The following PRTFDC1 variants were observed in gnomAD, a reference collection of about 807,000 sequenced individuals.
PRTFDC1 encodes the protein phosphoribosyltransferase domain-containing protein 1.
In PRTFDC1, 38 loss-of-function variants were observed where a neutral mutation model predicts 34.6. The observed-to-expected ratio is 1.10, with a 90% CI of 0.85 to 1.44. The LOEUF is 1.44. PRTFDC1 is among the 40% of genes most tolerant of loss of function. PRTFDC1 has a pLI of 0.00. For missense variants in PRTFDC1, 270 were observed against 283.0 expected, an observed-to-expected ratio of 0.95 and a Z score of 0.33; for synonymous variants, 93 against 98.1, an observed-to-expected ratio of 0.95 and a Z score of 0.31.
intron 3 of PRTFDC1, among the ~76,000 whole-genome samples, chr10:24,893,130 C>T (rs1420777619): frequency 1.3e-5 from 2 of 152,192 alleles, no homozygotes; most frequent in South Asian, 2.1e-4. Context: ...AATGAAAACT[C>T]ACTTGAAATT....
chr10:24,894,103 TG>T, intron 3 of PRTFDC1, among the ~76,000 whole-genome samples: 1 of 151,882 alleles, frequency 6.6e-6, no homozygotes, highest in East Asian at 1.9e-4. Context: ...GAGGCCGAGG[TG>T]GGGGACCACG....
intron 3 of PRTFDC1, chr10:24,908,903 G>T (rs1460328981): frequency 1.6e-6 from 1 of 622,210 alleles, no homozygotes. Context: ...GAGGTCAGTT[G>T]TTCTAAATGT....
At chr10:24,874,166 C>T (rs1588583421) in intron 3 of PRTFDC1, among the ~76,000 whole-genome samples, 1 of 152,042 alleles carries the variant, frequency 6.6e-6, no homozygotes, top group African/African-American at 2.4e-5. Context: ...GCTTCACACA[C>T]TAGCTCATCC....
At chr10:24,863,613 G>T (rs1588576423) in intron 4 of PRTFDC1, among the ~76,000 whole-genome samples, 1 of 152,154 alleles carries the variant, frequency 6.6e-6, no homozygotes, top group East Asian at 1.9e-4. Flanking sequence ...CATAGATAGT[G>T]ATTCCTCTGA....
intron 3 of PRTFDC1, among the ~76,000 whole-genome samples, chr10:24,901,852 G>A (rs1160122665): frequency 6.6e-6 from 1 of 152,224 alleles, no homozygotes; most frequent in East Asian, 1.9e-4. Context: ...CTCTGCATTT[G>A]CAGTGAATTT....
intron 4 of PRTFDC1, among the ~76,000 whole-genome samples, chr10:24,871,233 TTTAAC>T (rs775481805): frequency 6.6e-5 from 10 of 152,150 alleles, no homozygotes; most frequent in Non-Finnish European, 1.5e-4. Context: ...GACTAATCCA[TTTAAC>T]TTAGAAAGCC....
chr10:24,851,818 G>A (rs915935097), intron 7 of PRTFDC1, among the ~76,000 whole-genome samples: 1 of 151,674 alleles, frequency 6.6e-6, no homozygotes, highest in Non-Finnish European at 1.5e-5. Flanking sequence ...CGATGCCAAA[G>A]GAAACACTCT....
Position 24,952,392 on chromosome 10 carries a change from G to T in PRTFDC1, c.48+136C>A. On this transcript the variant is annotated intron_variant, in intron 1 of 8. Coordinates refer to ENST00000320152, the MANE Select transcript of PRTFDC1 (RefSeq NM_020200.7). The surrounding 1 kb of genome is among the most constrained non-coding windows in gnomAD (Gnocchi z 5.1). ...AGGAGGCCCGGGTCCGAGGATGGAA[G>T]CGATCCCCGCCGGGAGGGAGAACAA... 9.6e-7 allele frequency: 1 copy of T among 1,039,936 alleles called. No homozygotes were observed. The highest frequency in any genetic ancestry group is 1.4e-6 in the Non-Finnish European group (1 of 695,906). 64.4% of individuals were successfully genotyped at this position (1,039,936 alleles called of 1,614,324 possible).
chr10:24,952,462 C>T lies in PRTFDC1; in HGVS notation c.48+66G>A. 1.3e-6 allele frequency: 2 copies of T among 1,506,466 alleles called. No homozygotes were observed. 93.3% of individuals were successfully genotyped at this position (1,506,466 alleles called of 1,614,324 possible). ...CCCCGACGCACGGCAAGCATTTAAT[C>T]TACAAGCAGGGTGCCAGGGAGGGAG... is the stretch of plus-strand genomic sequence containing the variant. On this transcript the variant is annotated intron_variant, in intron 1 of 8. Transcript: ENST00000320152. This position sits in a 1 kb window ranked among gnomAD's most constrained non-coding sequence, Gnocchi z 5.1.
chr10:24,928,203 C>T (rs1848910871), intron 3 of PRTFDC1, among the ~76,000 whole-genome samples: 2 of 151,884 alleles, frequency 1.3e-5, no homozygotes, highest in Admixed American at 1.3e-4. Context: ...CTCTTCTAGT[C>T]CTTTATTTTC....
At chr10:24,903,995 C>T (rs1479725200) in intron 3 of PRTFDC1, among the ~76,000 whole-genome samples, 1 of 151,926 alleles carries the variant, frequency 6.6e-6, no homozygotes, top group African/African-American at 2.4e-5. Flanking sequence ...AGCTGGAGTT[C>T]TATTCTAAGA....
chr10:24,855,233 G>T, intron 7 of PRTFDC1, 85 bp downstream of exon 7: 1 of 1,386,548 alleles, frequency 7.2e-7, no homozygotes, highest in South Asian at 1.2e-5. Flanking sequence ...TGTCAAATAG[G>T]AAACCAAAGA....
At chr10:24,935,233 T>A (rs187088350) in intron 3 of PRTFDC1, among the ~76,000 whole-genome samples, 14 of 152,246 alleles carry the variant, frequency 9.2e-5, no homozygotes, top group African/African-American at 3.1e-4. Flanking sequence ...TTAAAAAAAA[T>A]GTTAACAGGT....
At chr10:24,849,983 A>C in intron 8 of PRTFDC1, 92 bp from the exon 9 acceptor site, 1 of 1,155,266 alleles carries the variant, frequency 8.7e-7, no homozygotes, top group Non-Finnish European at 1.3e-6. Flanking sequence ...GCCATCCTGT[A>C]ATTGGCTATT....
chr10:24,942,801 C>T (rs1849185544), intron 1 of PRTFDC1, among the ~76,000 whole-genome samples: 1 of 152,150 alleles, frequency 6.6e-6, no homozygotes, highest in African/African-American at 2.4e-5. Context: ...GCATGTGCCA[C>T]TACGCCCAGA....
intron 3 of PRTFDC1, among the ~76,000 whole-genome samples, chr10:24,894,353 G>A (rs1017720938): frequency 6.6e-6 from 1 of 150,636 alleles, no homozygotes; most frequent in Non-Finnish European, 1.5e-5. Flanking sequence ...AAAAAAGAGA[G>A]AGAAAAGAAA....
chr10:24,903,416 T>C (rs986479059), intron 3 of PRTFDC1, among the ~76,000 whole-genome samples: 10 of 152,336 alleles, frequency 6.6e-5, no homozygotes, highest in Admixed American at 6.5e-4. Flanking sequence ...TTCATTAAGC[T>C]GAACATTCAT....
At position 24,849,249 on chromosome 10, in the gene PRTFDC1, T is replaced by C. The variant is rs1193713799; in HGVS notation, c.*595A>G. ...GAGCAAAGCTCGTTTCATAACATCATTAAGATTCATTGTACACTGCGTTTC... is the reference window on the plus strand; with the variant it reads ...GAGCAAAGCTCGTTTCATAACATCACTAAGATTCATTGTACACTGCGTTTC... On this transcript the variant is annotated 3_prime_UTR_variant, in exon 9 of 9. Transcript: ENST00000320152. The C allele has an allele frequency of 3.9e-5, 6 of 152,720 alleles. No individual in the cohort carries two copies. The highest frequency in any genetic ancestry group is 7.3e-5 in the Non-Finnish European group (5 of 68,106). The allele number at this position is 152,720 out of a possible 1,614,324, so 9.5% of individuals were successfully genotyped here.
chr10:24,939,158 G>A (rs1002705568), intron 2 of PRTFDC1, among the ~76,000 whole-genome samples: 6 of 151,716 alleles, frequency 4.0e-5, no homozygotes, highest in Middle Eastern at 3.4e-3. Context: ...AAAATTAGCC[G>A]GGCTTGGTGG....
Sources: allele counts gnomAD v4.1 joint callset (sites outside exome capture counted in the v4.1 genomes callset), GRCh38; gene constraint gnomAD v4.1.1; non-coding constraint Gnocchi (gnomAD v3.1); transcripts MANE v1.5; gene names NCBI Gene and HGNC (gene_info 2026-07-23, HGNC 2026-07-21).